BRD10: variants seen among roughly 807,000 people sequenced by gnomAD.
The protein encoded by BRD10 is uncharacterized bromodomain-containing protein 10.
the BRD10 span, among the ~76,000 whole-genome samples, chr9:5,979,333 G>A: frequency 6.6e-6 from 1 of 152,142 alleles, no homozygotes; most frequent in Non-Finnish European, 1.5e-5. Flanking sequence ...GGGAAATATA[G>A]TGAGACCTCG....
At chr9:5,930,567 G>C in the BRD10 span, among the ~76,000 whole-genome samples, 918 of 152,114 alleles carry the variant, frequency 6.0e-3, 8 homozygotes, top group African/African-American at 0.02. Context: ...CTTACTAGAA[G>C]AGTAGGAAGA....
At chr9:5,923,538 AT>A in the BRD10 span, among the ~76,000 whole-genome samples, 9 of 152,272 alleles carry the variant, frequency 5.9e-5, no homozygotes, top group African/African-American at 1.9e-4. Flanking sequence ...TATTGAGAAA[AT>A]TTTTTTGGTC....
the BRD10 span, among the ~76,000 whole-genome samples, chr9:5,891,573 C>A: frequency 3.9e-5 from 6 of 152,134 alleles, no homozygotes; most frequent in Non-Finnish European, 8.8e-5. Context: ...CTTTGAAATT[C>A]ATGAGGACAG....
chr9:5,931,252 G>A, the BRD10 span, among the ~76,000 whole-genome samples: 1 of 152,230 alleles, frequency 6.6e-6, no homozygotes, highest in Non-Finnish European at 1.5e-5. Flanking sequence ...TTGTGGCACA[G>A]AAGACCTTAC....
At chr9:6,007,852 G>A in the BRD10 span, 2 of 1,375,832 alleles carry the variant, frequency 1.5e-6, no homozygotes, top group East Asian at 6.0e-5. Flanking sequence ...ACGCGTGAGC[G>A]CGAGCCGCTT....
chr9:5,933,748 T>C, the BRD10 span: 2 of 470,532 alleles, frequency 4.3e-6, no homozygotes, highest in South Asian at 1.6e-5. Flanking sequence ...GAGGGAAACT[T>C]ACCTCACAAC....
At chr9:5,990,388 G>A in the BRD10 span, among the ~76,000 whole-genome samples, 1 of 152,118 alleles carries the variant, frequency 6.6e-6, no homozygotes, top group Non-Finnish European at 1.5e-5. Flanking sequence ...GGTCACAGCA[G>A]GTATGTAGAG....
the BRD10 span, among the ~76,000 whole-genome samples, chr9:5,957,648 G>C: frequency 6.6e-6 from 1 of 151,996 alleles, no homozygotes; most frequent in African/African-American, 2.4e-5. Flanking sequence ...ATCTGCTTCT[G>C]TTTGGTTCAG....
chr9:5,910,751 T>C, the BRD10 span: 7 of 152,162 alleles, frequency 4.6e-5, no homozygotes, highest in African/African-American at 1.4e-4. Context: ...TTGAAAGGAA[T>C]AGAAAGTGCC....
At chr9:6,007,316 C>A in the BRD10 span, 1 of 1,613,840 alleles carries the variant, frequency 6.2e-7, no homozygotes, top group Non-Finnish European at 8.5e-7. Flanking sequence ...AAGTCCGCCA[C>A]GAACTCGGTG....
At chr9:5,907,906 T>C in the BRD10 span, among the ~76,000 whole-genome samples, 7 of 152,214 alleles carry the variant, frequency 4.6e-5, no homozygotes, top group Non-Finnish European at 8.8e-5. Context: ...TGAGCCGAGA[T>C]AGTGCCACTG....
chr9:5,978,623 G>A, the BRD10 span, among the ~76,000 whole-genome samples: 1 of 152,106 alleles, frequency 6.6e-6, no homozygotes, highest in South Asian at 2.1e-4. Flanking sequence ...TTTATTTAAG[G>A]ATTAGTAGGG....
At chr9:5,975,068 G>A in the BRD10 span, among the ~76,000 whole-genome samples, 6 of 152,098 alleles carry the variant, frequency 3.9e-5, no homozygotes, top group African/African-American at 9.7e-5. Context: ...TACTAGGCAT[G>A]CAACAATGCA....
the BRD10 span, among the ~76,000 whole-genome samples, chr9:5,983,125 T>C: frequency 6.6e-6 from 1 of 152,108 alleles, no homozygotes; most frequent in African/African-American, 2.4e-5. Flanking sequence ...ATTAATAAGG[T>C]AGCAATTCGG....
chr9:5,908,869 T>G, the BRD10 span: 5 of 613,660 alleles, frequency 8.1e-6, no homozygotes, highest in South Asian at 1.0e-4. Flanking sequence ...CCGCTAGCAG[T>G]ACTAATCATG....
At chr9:5,950,886 G>C in the BRD10 span, among the ~76,000 whole-genome samples, 1 of 151,926 alleles carries the variant, frequency 6.6e-6, no homozygotes, top group African/African-American at 2.4e-5. Context: ...ATATAGTTGT[G>C]ATATAAATTG....
At chr9:5,920,640 G>C in the BRD10 span, 1 of 1,613,970 alleles carries the variant, frequency 6.2e-7, no homozygotes, top group Non-Finnish European at 8.5e-7. Context: ...TGGAACTGGA[G>C]TGAAGTCCGA....
chr9:5,987,350 T>C, the BRD10 span, among the ~76,000 whole-genome samples: 3 of 152,198 alleles, frequency 2.0e-5, no homozygotes, highest in Non-Finnish European at 4.4e-5. Context: ...TGACCAGTAG[T>C]GGAGATGTAG....
the BRD10 span, chr9:5,923,357 A>C: frequency 7.4e-7 from 1 of 1,354,124 alleles, no homozygotes. Context: ...ACAGCAACTA[A>C]ATAGTAATAA....
Sources: allele counts gnomAD v4.1 joint callset (sites outside exome capture counted in the v4.1 genomes callset), GRCh38; gene constraint gnomAD v4.1.1; transcripts MANE v1.5; gene names NCBI Gene and HGNC (gene_info 2026-07-23, HGNC 2026-07-21).